The following TMEM131 variants were observed in gnomAD, a reference collection of about 807,000 sequenced individuals.
TMEM131 encodes the protein 2610524E03Rik.
A neutral mutation model predicts 211.6 loss-of-function variants in TMEM131; 66 were observed. The ratio of observed to expected loss-of-function variants is 0.31; its 90% CI spans 0.26 to 0.38. The LOEUF (loss-of-function observed/expected upper bound fraction) is 0.38, where lower values mean the gene tolerates loss of function less well. Ranked by LOEUF, TMEM131 falls within the 10% of genes least tolerant of loss-of-function variation. The probability of loss-of-function intolerance (pLI) is 1.00; values close to 1 mark genes in which losing one functional copy is unlikely to be tolerated. For synonymous variants in TMEM131, 844 were observed against 841.3 expected, an observed-to-expected ratio of 1.00 and a Z score of -0.06; for missense variants, 2,036 against 2,299.3, an observed-to-expected ratio of 0.89 and a Z score of 2.34.
At chr2:97,817,462 G>T (rs1199039617) in intron 12 of TMEM131, among the ~76,000 whole-genome samples, 1 of 152,114 alleles carries the variant, frequency 6.6e-6, no homozygotes, top group Admixed American at 6.5e-5. Context: ...CCTCTGTAAG[G>T]GAAGACAATG....
Position 97,847,070 on chromosome 2 carries a change from TGGGGGGG to T in TMEM131, c.484-2816_484-2810del, listed in dbSNP as rs70938540. On this transcript the variant is annotated intron_variant, in intron 5 of 40. Coordinates refer to ENST00000186436, the MANE Select transcript of TMEM131 (RefSeq NM_015348.2). ...GGCGCGTGCCTGTAGTCCCAGCTAC[TGGGGGGG>T]GGGGGGGGGGCCGAGGCAGGAGAGT... Among the ~76,000 whole-genome samples the T allele has an allele frequency of 3.5e-4, 8 of 23,032 alleles. 3 individuals carry two copies. In the South Asian group the frequency reaches 0.012, roughly 33 times the overall value. The allele number at this position is 23,032 out of a possible 152,430, so 15.1% of individuals were successfully genotyped here. A position where few individuals can be genotyped will look rare whatever the true frequency, so the allele number is the denominator to read the frequency against.
chr2:97,793,464 G>A lies in TMEM131; in HGVS notation c.3476C>T (p.Ser1159Leu). Residue 1159 changes from serine to leucine, a missense_variant, in exon 30 of 41, where the codon TCG becomes TTG. Ser to Leu is a moderately radical substitution (Grantham distance 145). This residue lies in a region of TMEM131 where 1,623 missense variants were observed against 1,805.9 expected (regional missense o/e 0.90). Transcript: ENST00000186436. ...CCTTCCCACATCGAAGGGCGGGTTCGAGGCCTCAAAGGATAGCCGCCTTCG... is the reference window on the plus strand; with the variant it reads ...CCTTCCCACATCGAAGGGCGGGTTCAAGGCCTCAAAGGATAGCCGCCTTCG... ...PFRRRLSFEA[S>L]NPPFDVGRPF... 6.2e-6 allele frequency: 10 copies of A among 1,613,898 alleles called. No homozygotes were observed. The highest frequency in any genetic ancestry group is 7.6e-6 in the Non-Finnish European group (9 of 1,179,880).
intron 1 of TMEM131, among the ~76,000 whole-genome samples, chr2:97,967,608 G>A (rs536222799): frequency 6.8e-4 from 103 of 152,162 alleles, no homozygotes; most frequent in Non-Finnish European, 1.2e-3. Context: ...CAACTAATTC[G>A]AACGGTGCAA....
intron 2 of TMEM131, among the ~76,000 whole-genome samples, chr2:97,913,355 A>G (rs1676370407): frequency 6.6e-6 from 1 of 152,218 alleles, no homozygotes; most frequent in South Asian, 2.1e-4. Flanking sequence ...TTTAATTCAA[A>G]GTGCGTTACT....
Position 97,759,671 on chromosome 2 carries a change from G to A in TMEM131, c.5187C>T (p.Asn1729=). ...ACTCACCACCAGTTAGATTAAAAGA[G>A]TTTCCAAAGGCGGAGAACGAATTGA... ...TPLNSFSAFG[N]SFNLTGEVFS... Residue 1729 remains asparagine, a synonymous_variant, in exon 39 of 41, where the codon AAC becomes AAT. Coordinates refer to ENST00000186436, the MANE Select transcript of TMEM131 (RefSeq NM_015348.2). The A allele has an allele frequency of 1.2e-6, 2 of 1,613,482 alleles. No individual in the cohort carries two copies. The highest frequency in any genetic ancestry group is 1.6e-4 in the Middle Eastern group (1 of 6,062).
At chr2:97,808,096 T>A (rs1396814054) in intron 19 of TMEM131, among the ~76,000 whole-genome samples, 1 of 152,176 alleles carries the variant, frequency 6.6e-6, no homozygotes, top group East Asian at 1.9e-4. Context: ...AACATGAAAT[T>A]CATTTATGTT....
intron 1 of TMEM131, among the ~76,000 whole-genome samples, chr2:97,947,294 A>G (rs1678088943): frequency 6.6e-6 from 1 of 152,086 alleles, no homozygotes; most frequent in Non-Finnish European, 1.5e-5. Flanking sequence ...AACTGTCTTT[A>G]GACACAGACA....
chr2:97,981,053 A>G lies in TMEM131; in HGVS notation c.187+14423T>C, dbSNP rs939721105. On this transcript the variant is annotated intron_variant, in intron 1 of 40. Transcript: ENST00000186436. ...CAAAAAAAAAAAAAAAAAAAAAAAA[A>G]AAAAAAAAAAAAAAGTTTAAAAATC... Among the ~76,000 whole-genome samples, 243 of 132,890 alleles carry G rather than the reference A, an allele frequency of 1.8e-3. 9 individuals carry two copies. The East Asian group carries it at 0.041, about 22-fold the overall frequency. 87.2% of individuals were successfully genotyped at this position (132,890 alleles called of 152,430 possible).
At position 97,837,136 on chromosome 2, in the gene TMEM131, C is replaced by T; in HGVS notation, c.745G>A (p.Gly249Arg). The T allele has an allele frequency of 3.7e-6, 6 of 1,600,724 alleles. No homozygotes were observed. The highest frequency in any genetic ancestry group is 5.1e-6 in the Non-Finnish European group (6 of 1,175,504). Residue 249 changes from glycine (G) to arginine (R), a missense_variant, in exon 8 of 41, where the codon GGA (glycine) becomes AGA (arginine). Physicochemically the swap from Gly to Arg is moderately radical, Grantham distance 125. Transcript: ENST00000186436. Reference protein sequence around the residue: ...PLQVVEMYSSGGDLHLELPTG... With the variant: ...PLQVVEMYSSRGDLHLELPTG... The stretch of plus-strand genomic sequence containing the variant: ...GGGAGTTCTAGGTGAAGGTCTCCTC[C>T]ACTAGAGTACATTTCTACAACCTGG...
chr2:97,931,346 T>C (rs1280486471), intron 1 of TMEM131, among the ~76,000 whole-genome samples: 2 of 149,056 alleles, frequency 1.3e-5, no homozygotes, highest in Non-Finnish European at 2.9e-5. Flanking sequence ...GTGTCAGTTG[T>C]TTCAAAATAG....
At chr2:97,765,421 C>T (rs1296362126) in intron 35 of TMEM131, 1 of 152,468 alleles carries the variant, frequency 6.6e-6, no homozygotes, top group African/African-American at 2.4e-5. Flanking sequence ...GACTTGCCCT[C>T]TGGTACACTC....
At chr2:97,868,892 C>T (rs1392613782) in intron 4 of TMEM131, among the ~76,000 whole-genome samples, 2 of 152,050 alleles carry the variant, frequency 1.3e-5, no homozygotes, top group East Asian at 1.9e-4. Context: ...GGTGGGGTTA[C>T]GACACCATGA....
At chr2:97,784,304 C>T (rs989301122) in intron 31 of TMEM131, among the ~76,000 whole-genome samples, 1 of 152,016 alleles carries the variant, frequency 6.6e-6, no homozygotes, top group Non-Finnish European at 1.5e-5. Flanking sequence ...TAAGCCAAGA[C>T]AGACCATATA....
intron 10 of TMEM131, 132 bp from the exon 11 acceptor site, chr2:97,833,558 A>G (rs1479590793): frequency 1.8e-6 from 1 of 569,604 alleles, no homozygotes; most frequent in Non-Finnish European, 3.1e-6. Flanking sequence ...TAATAAAAAG[A>G]AACATTAGGT....
chr2:97,871,940 C>CA (rs1553607835), intron 4 of TMEM131, among the ~76,000 whole-genome samples: 1 of 114,460 alleles, frequency 8.7e-6, no homozygotes, highest in African/African-American at 3.3e-5. Flanking sequence ...AAAATGGGGT[C>CA]GGGGGGGGAG....
chr2:97,811,451 T>C (rs550608364), intron 17 of TMEM131, among the ~76,000 whole-genome samples: 6 of 152,220 alleles, frequency 3.9e-5, no homozygotes, highest in Non-Finnish European at 7.4e-5. Context: ...AAAAAGCTGG[T>C]TCCTGAAAGA....
chr2:97,905,248 T>A (rs1030248410), intron 3 of TMEM131, among the ~76,000 whole-genome samples: 1 of 152,206 alleles, frequency 6.6e-6, no homozygotes, highest in Non-Finnish European at 1.5e-5. Flanking sequence ...GATTTTTTCT[T>A]TTGGTACTTT....
chr2:97,914,450 G>T (rs1237381025), intron 2 of TMEM131, among the ~76,000 whole-genome samples: 1 of 152,108 alleles, frequency 6.6e-6, no homozygotes, highest in African/African-American at 2.4e-5. Context: ...CTGCTGTGTA[G>T]GTTCATGAAC....
chr2:97,786,680 C>CA (rs1039879307), intron 31 of TMEM131, among the ~76,000 whole-genome samples: 1 of 152,206 alleles, frequency 6.6e-6, no homozygotes, highest in African/African-American at 2.4e-5. Context: ...TACCCATGGT[C>CA]ACCATAAATG....
Sources: allele counts gnomAD v4.1 joint callset (sites outside exome capture counted in the v4.1 genomes callset), GRCh38; gene constraint gnomAD v4.1.1; regional missense constraint gnomAD v4.1.1; transcripts MANE v1.5; gene names NCBI Gene and HGNC (gene_info 2026-07-23, HGNC 2026-07-21).